CNTN5: variants seen among roughly 807,000 people sequenced by gnomAD.
CNTN5 encodes the protein contactin-5.
A neutral mutation model predicts 129.1 loss-of-function variants in CNTN5; 77 were observed. The ratio of observed to expected loss-of-function variants is 0.60; its 90% confidence interval spans 0.50 to 0.72. CNTN5 has a LOEUF of 0.72. Ranked by LOEUF, CNTN5 falls within the 30% of genes least tolerant of loss-of-function variation. The probability of loss-of-function intolerance (pLI) is 0.00; values close to 1 mark genes in which losing one functional copy is unlikely to be tolerated. For missense variants in CNTN5, 1,478 were observed against 1,328.8 expected (o/e 1.11, Z -1.75); for synonymous variants, 509 against 465.6 (o/e 1.09, Z -1.20).
intron 3 of CNTN5, among the ~76,000 whole-genome samples, chr11:99,707,189 GTCAAGTAAAATATATCT>G (rs1954793258): frequency 6.6e-6 from 1 of 150,920 alleles, no homozygotes; most frequent in African/African-American, 2.4e-5. Context: ...TTTTCTATTG[GTCAAGTAAAATATATCT>G]TCATCCCTCA....
intron 1 of CNTN5, among the ~76,000 whole-genome samples, chr11:99,217,544 G>A (rs912254669): frequency 6.6e-5 from 10 of 152,202 alleles, no homozygotes; most frequent in Middle Eastern, 3.4e-3. Context: ...CTTTATGCTC[G>A]CAGGTGACAT....
At chr11:99,289,635 G>A (rs757174641) in intron 1 of CNTN5, among the ~76,000 whole-genome samples, 8 of 151,732 alleles carry the variant, frequency 5.3e-5, no homozygotes, top group Non-Finnish European at 4.4e-5. Flanking sequence ...TCCCTGTAGA[G>A]CTTCTACCTC....
At chr11:99,824,105 A>G (rs1946881244) in intron 4 of CNTN5, among the ~76,000 whole-genome samples, 1 of 151,964 alleles carries the variant, frequency 6.6e-6, no homozygotes, top group Non-Finnish European at 1.5e-5. Context: ...TTACATTGTT[A>G]CATGTCAAAT....
chr11:100,147,567 C>T (rs1014968406), intron 13 of CNTN5, among the ~76,000 whole-genome samples: 1 of 152,106 alleles, frequency 6.6e-6, no homozygotes, highest in African/African-American at 2.4e-5. Context: ...ATACACACGT[C>T]TCCACCATTT....
chr11:99,380,743 G>A (rs1940494202), intron 2 of CNTN5, among the ~76,000 whole-genome samples: 1 of 138,688 alleles, frequency 7.2e-6, no homozygotes, highest in Non-Finnish European at 1.5e-5. Context: ...ACTCCAGCCT[G>A]GGCAACAAGA....
chr11:99,158,019 A>G (rs1591290022), intron 1 of CNTN5, among the ~76,000 whole-genome samples: 2 of 152,304 alleles, frequency 1.3e-5, no homozygotes, highest in Middle Eastern at 6.8e-3. Flanking sequence ...CTAAATAATC[A>G]TCTCACACTC....
intron 1 of CNTN5, among the ~76,000 whole-genome samples, chr11:99,092,695 T>C (rs1277280693): frequency 1.3e-5 from 2 of 152,050 alleles, no homozygotes; most frequent in Non-Finnish European, 2.9e-5. Context: ...CTACAAATGG[T>C]AAAAGTTGTG....
chr11:99,676,201 T>C lies in CNTN5; in HGVS notation c.55+119932T>C, dbSNP rs1953276125. On this transcript the variant is annotated intron_variant, in intron 3 of 24. Coordinates refer to ENST00000524871, the MANE Select transcript of CNTN5 (RefSeq NM_014361.4). ...ATGCTAGACCATGAGTTCTTATTAC[T>C]CTGTTTTACTCAGCCCTGCACCACT... Among the ~76,000 whole-genome samples, 3 of 152,230 alleles carry C rather than the reference T, an allele frequency of 2.0e-5. No homozygotes were observed. The South Asian group carries it at 6.2e-4, about 31-fold the overall frequency.
intron 16 of CNTN5, among the ~76,000 whole-genome samples, chr11:100,245,809 A>G (rs903151368): frequency 1.1e-4 from 16 of 152,110 alleles, no homozygotes; most frequent in African/African-American, 3.4e-4. Flanking sequence ...CACTTAAGGA[A>G]TGTTGTTTGA....
At chr11:99,592,811 G>C (rs1477717799) in intron 3 of CNTN5, among the ~76,000 whole-genome samples, 1 of 152,166 alleles carries the variant, frequency 6.6e-6, no homozygotes, top group Non-Finnish European at 1.5e-5. Flanking sequence ...GGAGGTGAGT[G>C]GGAAGAATGT....
intron 3 of CNTN5, among the ~76,000 whole-genome samples, chr11:99,559,991 C>A (rs1307014330): frequency 6.6e-6 from 1 of 151,988 alleles, no homozygotes; most frequent in Non-Finnish European, 1.5e-5. Context: ...TATATAACAA[C>A]TGGAAAGAGA....
chr11:99,841,791 A>G (rs1460289151), intron 4 of CNTN5, among the ~76,000 whole-genome samples: 35 of 604 alleles, frequency 0.058, no homozygotes, highest in African/African-American at 0.21. Context: ...TTATATATAT[A>G]TATATATATG....
Position 99,293,490 on chromosome 11 carries a change from C to T in CNTN5, c.-209-31856C>T, listed in dbSNP as rs898921280. Among the ~76,000 whole-genome samples, 9 of 152,020 alleles carry T rather than the reference C, an allele frequency of 5.9e-5. No individual in the cohort carries two copies. In the South Asian group the frequency reaches 1.2e-3, roughly 21 times the overall value. On this transcript the variant is annotated intron_variant, in intron 1 of 24. Transcript: ENST00000524871. ...ATTGTATTGGAACAGTTTGAGTATACGTGGTATTAGTTCTACTTTAAATGT... is the reference window on the plus strand; with the variant it reads ...ATTGTATTGGAACAGTTTGAGTATATGTGGTATTAGTTCTACTTTAAATGT...
intron 16 of CNTN5, among the ~76,000 whole-genome samples, chr11:100,241,542 C>G (rs1949742047): frequency 6.6e-6 from 1 of 151,046 alleles, no homozygotes; most frequent in Non-Finnish European, 1.5e-5. Context: ...CCAAAAATGA[C>G]ACAAGTCCTT....
intron 13 of CNTN5, among the ~76,000 whole-genome samples, chr11:100,135,630 A>G (rs1423183071): frequency 6.6e-6 from 1 of 152,166 alleles, no homozygotes; most frequent in African/African-American, 2.4e-5. Context: ...AATATTTACT[A>G]CTTGCCCAGC....
chr11:99,202,089 T>C (rs866546493), intron 1 of CNTN5, among the ~76,000 whole-genome samples: 1 of 152,236 alleles, frequency 6.6e-6, no homozygotes, highest in African/African-American at 2.4e-5. Context: ...AAATTTTACA[T>C]GATTTTATGA....
intron 2 of CNTN5, among the ~76,000 whole-genome samples, chr11:99,503,635 C>T (rs952610390): frequency 3.3e-5 from 5 of 152,104 alleles, no homozygotes; most frequent in Admixed American, 1.3e-4. Flanking sequence ...TACTGAAGGA[C>T]AAAAACCTGG....
In CNTN5 at chr11:99,132,318, G is replaced by A. The variant is rs188165827; in HGVS notation, c.-210+111048G>A. On this transcript the variant is annotated intron_variant, in intron 1 of 24. Coordinates refer to ENST00000524871, the MANE Select transcript of CNTN5 (RefSeq NM_014361.4). ...TATCATAATGAAAGGGCAACAGCTG[G>A]AAGCATTCCCTTTGAAAACTGGCAC... Among the ~76,000 whole-genome samples, 461 of 152,196 alleles carry A rather than the reference G, an allele frequency of 3.0e-3. 5 individuals are homozygous for A. The highest frequency in any genetic ancestry group is 0.01 in the African/African-American group (434 of 41,524).
intron 2 of CNTN5, among the ~76,000 whole-genome samples, chr11:99,532,506 G>T (rs1947749416): frequency 6.6e-6 from 1 of 152,054 alleles, no homozygotes; most frequent in South Asian, 2.1e-4. Flanking sequence ...AGGGGCCAGG[G>T]CAGAATGATA....
Sources: gnomAD v4.1 joint callset for allele counts (sites outside exome capture counted in the v4.1 genomes callset) on GRCh38, gnomAD v4.1.1 for gene constraint, MANE v1.5 for transcripts, NCBI Gene and HGNC (gene_info 2026-07-23, HGNC 2026-07-21) for gene names.